CEP55: variants seen among roughly 807,000 people sequenced by gnomAD.
CEP55 encodes centrosomal protein of 55 kDa.
CEP55 carries 57 observed loss-of-function variants against 63.2 expected under a neutral mutation model. The observed-to-expected ratio is 0.90, with a 90% CI of 0.73 to 1.13. The LOEUF is 1.13. CEP55 is among the 50% of genes most tolerant of loss of function. The pLI, the probability that CEP55 is intolerant of heterozygous loss-of-function variation, is 0.00. For missense variants in CEP55, 456 were observed against 518.9 expected, an observed-to-expected ratio of 0.88 and a Z score of 1.18; for synonymous variants, 178 against 191.6, an observed-to-expected ratio of 0.93 and a Z score of 0.59.
intron 5 of CEP55, among the ~76,000 whole-genome samples, chr10:93,516,043 A>G (rs943233669): frequency 2.6e-5 from 4 of 152,206 alleles, no homozygotes; most frequent in African/African-American, 9.7e-5. Context: ...TTTCCCTTAC[A>G]TAGATCTTAG....
intron 4 of CEP55, chr10:93,510,544 T>C (rs1415156363): frequency 6.6e-6 from 1 of 152,224 alleles, no homozygotes; most frequent in Non-Finnish European, 1.5e-5. Flanking sequence ...GAATGAATTG[T>C]ACATATCCAC....
At chr10:93,499,236 C>G (rs1016067633) in intron 1 of CEP55, among the ~76,000 whole-genome samples, 4 of 152,106 alleles carry the variant, frequency 2.6e-5, no homozygotes. Flanking sequence ...ACTGTGCTCT[C>G]TCAAATGATT....
chr10:93,522,453 A>G (rs1179694729), intron 8 of CEP55, among the ~76,000 whole-genome samples: 2 of 152,242 alleles, frequency 1.3e-5, no homozygotes, highest in Non-Finnish European at 2.9e-5. Flanking sequence ...GACCAAATCT[A>G]TGTCTGACTG....
At chr10:93,519,838 T>G in intron 8 of CEP55, 31 bp downstream of exon 8, 1 of 1,612,596 alleles carries the variant, frequency 6.2e-7, no homozygotes, top group Non-Finnish European at 8.5e-7. Context: ...CTAAAATTTG[T>G]CTTCGTCTTC....
At chr10:93,508,527 G>A (rs1279157984) in intron 4 of CEP55, among the ~76,000 whole-genome samples, 1 of 152,174 alleles carries the variant, frequency 6.6e-6, no homozygotes, top group Non-Finnish European at 1.5e-5. Flanking sequence ...TTATTACACT[G>A]AAGTTTGTTA....
chr10:93,507,924 G>A (rs1199859500), intron 4 of CEP55, among the ~76,000 whole-genome samples: 1 of 152,220 alleles, frequency 6.6e-6, no homozygotes, highest in Non-Finnish European at 1.5e-5. Flanking sequence ...TGGGATTACG[G>A]GCGTGTGCCA....
chr10:93,524,969 C>G (rs932379592), intron 8 of CEP55, among the ~76,000 whole-genome samples: 1 of 151,482 alleles, frequency 6.6e-6, no homozygotes, highest in Non-Finnish European at 1.5e-5. Flanking sequence ...TATGACAAAC[C>G]CACAGCCAAT....
chr10:93,499,817 G>A (rs1203555534), intron 1 of CEP55, among the ~76,000 whole-genome samples: 1 of 151,768 alleles, frequency 6.6e-6, no homozygotes, highest in African/African-American at 2.4e-5. Flanking sequence ...ACCGTACCCA[G>A]CCCAAGTTGA....
chr10:93,509,433 T>C (rs2057719916), intron 4 of CEP55, among the ~76,000 whole-genome samples: 1 of 151,688 alleles, frequency 6.6e-6, no homozygotes, highest in Non-Finnish European at 1.5e-5. Context: ...CTGCTGCTGC[T>C]GCTGGCCCTT....
At chr10:93,512,213 C>T (rs1339798523) in intron 4 of CEP55, among the ~76,000 whole-genome samples, 6 of 98,184 alleles carry the variant, frequency 6.1e-5, no homozygotes, top group African/African-American at 1.6e-4. Flanking sequence ...GGCCACAGAG[C>T]GAGACTCCGT....
At position 93,517,380 on chromosome 10, in the gene CEP55, C is replaced by T. The variant is rs544851542; in HGVS notation, c.993+132C>T. 101 of 623,662 alleles carry T rather than the reference C, an allele frequency of 1.6e-4. No individual in the cohort carries two copies. In the African/African-American group the frequency reaches 1.6e-3, roughly 10 times the overall value. The allele number at this position is 623,662 out of a possible 1,614,324, so 38.6% of individuals were successfully genotyped here. On this transcript the variant is annotated intron_variant, in intron 6 of 8. Coordinates refer to ENST00000371485, the MANE Select transcript of CEP55 (RefSeq NM_018131.5). ...CCCTCATGGGAGTTATATTCCAGAA[C>T]AGAAACAGACCATAAACAATAAATA...
chr10:93,525,919 C>G (rs1025386890), intron 8 of CEP55, among the ~76,000 whole-genome samples: 1 of 152,054 alleles, frequency 6.6e-6, no homozygotes. Context: ...TTCCTTACAC[C>G]TTATACAAAA....
chr10:93,515,393 C>G lies in CEP55; in HGVS notation c.529-12C>G, dbSNP rs748040921. On this transcript the variant is annotated splice_polypyrimidine_tract_variant and intron_variant, in intron 4 of 8. Transcript: ENST00000371485. ...TATTTTACTGTTGATTTTCTTTCAT[C>G]TTCCCATTAAGGCTCTGGAGAAAAA... 1.3e-6 allele frequency: 2 copies of G among 1,564,764 alleles called. No individual in the cohort carries two copies. The highest frequency in any genetic ancestry group is 1.9e-5 in the Admixed American group (1 of 53,904).
intron 1 of CEP55, among the ~76,000 whole-genome samples, chr10:93,498,515 A>G (rs867219660): frequency 6.6e-6 from 1 of 152,188 alleles, no homozygotes. Flanking sequence ...AGCTACTGCA[A>G]TCTTTCACCT....
In CEP55 at chr10:93,507,796, C is replaced by T. The variant is rs138930332; in HGVS notation, c.528+740C>T. 4.0e-3 allele frequency among the ~76,000 whole-genome samples: 614 copies of T among 151,824 alleles called. 25 individuals carry two copies. The East Asian group carries it at 0.097, about 24-fold the overall frequency. On this transcript the variant is annotated intron_variant, in intron 4 of 8. Transcript: ENST00000371485. The stretch of plus-strand genomic sequence containing the variant: ...CCCAAGTACCTGGGATTACAGGCAC[C>T]CACCACCACGCCCGGCTAATTTTTA...
intron 4 of CEP55, among the ~76,000 whole-genome samples, chr10:93,515,076 T>C (rs1259297904): frequency 6.6e-6 from 1 of 152,252 alleles, no homozygotes; most frequent in Non-Finnish European, 1.5e-5. Context: ...CCCAGCCAGC[T>C]GGGCAGGGCT....
chr10:93,507,922 C>T (rs10882252), intron 4 of CEP55, among the ~76,000 whole-genome samples: 31,640 of 152,260 alleles, frequency 0.21, 3,409 homozygotes, highest in East Asian at 0.28. Flanking sequence ...GCTGGGATTA[C>T]GGGCGTGTGC....
intron 4 of CEP55, among the ~76,000 whole-genome samples, chr10:93,508,032 C>A (rs541658819): frequency 6.6e-6 from 1 of 152,300 alleles, no homozygotes; most frequent in Non-Finnish European, 1.5e-5. Context: ...GGTTTGAATA[C>A]TTCTCTTGAA....
chr10:93,519,604 A>G, intron 7 of CEP55, 78 bp from the exon 8 acceptor site: 1 of 1,477,278 alleles, frequency 6.8e-7, no homozygotes, highest in Non-Finnish European at 9.2e-7. Context: ...ATGTGCTAAT[A>G]AAAAAATGTG....
Sources: allele counts gnomAD v4.1 joint callset (sites outside exome capture counted in the v4.1 genomes callset), GRCh38; gene constraint gnomAD v4.1.1; transcripts MANE v1.5; gene names NCBI Gene and HGNC (gene_info 2026-07-23, HGNC 2026-07-21).